Variants in TMEM63A observed in about 807,000 individuals in gnomAD.
TMEM63A encodes the protein transmembrane protein 63A, also known as mechanosensitive cation channel TMEM63A.
In TMEM63A, 76 loss-of-function variants were observed where a neutral mutation model predicts 100.6. That is an observed-to-expected ratio of 0.76 (90% CI 0.63 to 0.91). The LOEUF (loss-of-function observed/expected upper bound fraction) is 0.91, where lower values mean the gene tolerates loss of function less well. Ranked by LOEUF, TMEM63A falls within the 40% of genes least tolerant of loss-of-function variation. The pLI is 0.00. For missense variants in TMEM63A, 876 were observed against 1,008.8 expected (o/e 0.87, Z 1.78); for synonymous variants, 401 against 401.1 (o/e 1.00, Z 0.00).
rs764617340 is a variant in TMEM63A, at chr1:225,867,132, T to G, written c.546A>C (p.Thr182=). Residue 182 remains threonine (T), a synonymous_variant, in exon 8 of 25, where the codon ACA becomes ACC. Coordinates refer to ENST00000366835, the MANE Select transcript of TMEM63A (RefSeq NM_014698.3). This position sits in a 1 kb window ranked among gnomAD's most constrained non-coding sequence, Gnocchi z 4.6. ...CTCACTCAGTCTGTAGGTTTGCTATTGTTGTCCTCCCAAAACTATACGGGT... is the reference window on the plus strand; with the variant it reads ...CTCACTCAGTCTGTAGGTTTGCTATGGTTGTCCTCCCAAAACTATACGGGT... ...DKDPYSFGRT[T]IANLQTDNDL... 1.2e-6 allele frequency: 2 copies of G among 1,614,114 alleles called. No homozygotes were observed. Among genetic ancestry groups the G allele is most frequent in the African/African-American group, 2.7e-5 (2 of 75,020 alleles).
chr1:225,860,791 C>CATTAAAAAAAAA, intron 14 of TMEM63A, 69 bp downstream of exon 14: 1 of 1,511,750 alleles, frequency 6.6e-7, no homozygotes, highest in African/African-American at 1.4e-5. Flanking sequence ...CACCTGTGCT[C>CATTAAAAAAAAA]CAGGTGATGG....
intron 20 of TMEM63A, among the ~76,000 whole-genome samples, chr1:225,851,477 C>G (rs1030674952): frequency 6.6e-6 from 1 of 152,142 alleles, no homozygotes; most frequent in Non-Finnish European, 1.5e-5. Flanking sequence ...TCAAGTGATT[C>G]TCCTACCTCA....
At chr1:225,849,670 C>T (rs1158836606) in intron 21 of TMEM63A, among the ~76,000 whole-genome samples, 1 of 152,222 alleles carries the variant, frequency 6.6e-6, no homozygotes, top group African/African-American at 2.4e-5. Context: ...CCCTGGGTAT[C>T]ATGTTTTGAT....
In TMEM63A at chr1:225,852,755, C is replaced by G; in HGVS notation, c.1812G>C (p.Gln604His). ...ATGCATACATGGCTCCAAACTCGTA[C>G]TGGAAGGCCTGGTTCTGGGAGGAGG... ...RRNVKQNQAFQYEFGAMYAWM... is the reference protein window; with the variant it reads ...RRNVKQNQAFHYEFGAMYAWM... Residue 604 changes from glutamine to histidine, a missense_variant, in exon 20 of 25, where the codon CAG becomes CAC. Transcript: ENST00000366835. 1 of 1,614,048 alleles carries G rather than the reference C, an allele frequency of 6.2e-7. No individual in the cohort carries two copies.
In TMEM63A at chr1:225,845,546, A is replaced by G; in HGVS notation, c.*1393T>C. 1 of 611,822 alleles carries G rather than the reference A, an allele frequency of 1.6e-6. No individual in the cohort carries two copies. Among genetic ancestry groups the G allele is most frequent in the Non-Finnish European group, 2.9e-6 (1 of 349,150 alleles). The allele number at this position is 611,822 out of a possible 1,614,324, so 37.9% of individuals were successfully genotyped here. Reference sequence around the variant, plus strand: ...GGTAAGCAACATGGCTTTGATGATAAACGACTTTACTCTAAAAGCGGCTGG... The same window carrying G: ...GGTAAGCAACATGGCTTTGATGATAGACGACTTTACTCTAAAAGCGGCTGG... On this transcript the variant is annotated 3_prime_UTR_variant, in exon 25 of 25. Coordinates refer to ENST00000366835, the MANE Select transcript of TMEM63A (RefSeq NM_014698.3).
At chr1:225,842,282 G>A (rs985756558), downstream of TMEM63A, 15 of 1,042,120 alleles carry the variant, frequency 1.4e-5, no homozygotes, top group South Asian at 2.5e-5. Flanking sequence ...CGCCCTCTGC[G>A]GCCAGTGCCA....
In TMEM63A at chr1:225,847,067, A is replaced by ACTGCC; in HGVS notation, c.2392_2396dup (p.Ser799ArgfsTer33). Reference sequence around the variant, plus strand: ...AGGCCTCCTGGGGGGCAGCAGCCACACTGCCCGTGGCGCTCTGCGCCAAGC... The same window carrying ACTGCC: ...AGGCCTCCTGGGGGGCAGCAGCCACACTGCCCTGCCCGTGGCGCTCTGCGCCAAGC... On this transcript the variant is annotated frameshift_variant, in exon 24 of 25. Coordinates refer to ENST00000366835, the MANE Select transcript of TMEM63A (RefSeq NM_014698.3). LOFTEE classifies it high-confidence loss of function. 6.2e-7 allele frequency: 1 copy of ACTGCC among 1,612,806 alleles called. No homozygotes were observed. Among genetic ancestry groups the ACTGCC allele is most frequent in the Non-Finnish European group, 8.5e-7 (1 of 1,179,502 alleles).
chr1:225,862,591 G>T lies in TMEM63A; in HGVS notation c.828-13C>A. 6.2e-7 allele frequency: 1 copy of T among 1,611,344 alleles called. No individual in the cohort carries two copies. Among genetic ancestry groups the T allele is most frequent in the South Asian group, 1.1e-5 (1 of 90,938 alleles). On this transcript the variant is annotated splice_polypyrimidine_tract_variant and intron_variant, in intron 11 of 24. Transcript: ENST00000366835. The surrounding 1 kb of genome is among the most constrained non-coding windows in gnomAD (Gnocchi z 5.1). ...CTCAGTCTTCTTTCTGTAGGGGTGG[G>T]AGCGGGGGCACAAACCTCAGATTTA...
chr1:225,846,369 T>C lies in TMEM63A; in HGVS notation c.*570A>G, dbSNP rs1317126296. 1 of 152,458 alleles carries C rather than the reference T, an allele frequency of 6.6e-6. No individual in the cohort carries two copies. Among genetic ancestry groups the C allele is most frequent in the East Asian group, 1.9e-4 (1 of 5,208 alleles). 9.4% of individuals were successfully genotyped at this position (152,458 alleles called of 1,614,324 possible). A position where few individuals can be genotyped will look rare whatever the true frequency, so the allele number is the denominator to read the frequency against. On this transcript the variant is annotated 3_prime_UTR_variant, in exon 25 of 25. Coordinates refer to ENST00000366835, the MANE Select transcript of TMEM63A (RefSeq NM_014698.3). Reference sequence around the variant, plus strand: ...TGCTATGGGGTAACCCTGACCCAGCTAGCGTCCCTGACAACATGATACAAA... The same window carrying C: ...TGCTATGGGGTAACCCTGACCCAGCCAGCGTCCCTGACAACATGATACAAA...
downstream of TMEM63A, chr1:225,845,242 C>G: frequency 4.3e-6 from 7 of 1,614,094 alleles, no homozygotes; most frequent in Non-Finnish European, 5.9e-6. Context: ...CAAAGCTCAT[C>G]TCCTATTCCT....
At chr1:225,849,471 CCAGCCTCAAAGGGCAAATCTGGAT>C (rs1170546821) in intron 21 of TMEM63A, among the ~76,000 whole-genome samples, 2 of 152,218 alleles carry the variant, frequency 1.3e-5, no homozygotes, top group African/African-American at 4.8e-5. Flanking sequence ...GGCCCAACCA[CCAGCCTCAAAGGGCAAATCTGGAT>C]CAGCTTCCCC....
chr1:225,872,487 C>T (rs1221729875), intron 4 of TMEM63A, among the ~76,000 whole-genome samples: 1 of 152,100 alleles, frequency 6.6e-6, no homozygotes, highest in Non-Finnish European at 1.5e-5. Flanking sequence ...GCCAAATAAA[C>T]TATGACCACC....
At chr1:225,848,755 C>T (rs1401938997) in intron 22 of TMEM63A, 142 bp downstream of exon 22, 7 of 837,654 alleles carry the variant, frequency 8.4e-6, no homozygotes, top group South Asian at 3.3e-5. Flanking sequence ...CAACCACCCA[C>T]GCCTTTCCCA....
chr1:225,851,706 G>A (rs997191236), intron 20 of TMEM63A, among the ~76,000 whole-genome samples: 1 of 152,216 alleles, frequency 6.6e-6, no homozygotes, highest in Admixed American at 6.5e-5. Flanking sequence ...TGTTTTGAAA[G>A]TGTAAATACT....
Position 225,862,867 on chromosome 1 carries a change from G to C in TMEM63A, c.747-16C>G. 2 of 1,613,018 alleles carry C rather than the reference G, an allele frequency of 1.2e-6. No homozygotes were observed. Among genetic ancestry groups the C allele is most frequent in the Non-Finnish European group, 1.7e-6 (2 of 1,179,548 alleles). Reference sequence around the variant, plus strand: ...ATACGCGTCCCTGTGGCCAGGGAGAGAAGGAGGCAAAAGACACCGTTGGAA... The same window carrying C: ...ATACGCGTCCCTGTGGCCAGGGAGACAAGGAGGCAAAAGACACCGTTGGAA... On this transcript the variant is annotated splice_polypyrimidine_tract_variant and intron_variant, in intron 10 of 24. Coordinates refer to ENST00000366835, the MANE Select transcript of TMEM63A (RefSeq NM_014698.3). The surrounding 1 kb of genome is among the most constrained non-coding windows in gnomAD (Gnocchi z 5.1).
At chr1:225,859,887 T>A (rs570203378) in intron 14 of TMEM63A, 1 of 159,190 alleles carries the variant, frequency 6.3e-6, no homozygotes, top group African/African-American at 2.4e-5. Context: ...GCTCAGGCAA[T>A]CCGCCTGCCT....
chr1:225,871,147 C>T (rs967411051), intron 5 of TMEM63A, 34 bp from the exon 6 acceptor site: 2 of 1,609,976 alleles, frequency 1.2e-6, no homozygotes, highest in Admixed American at 1.7e-5. Context: ...TAGCTTCCAA[C>T]ATTTGTGTCT....
chr1:225,869,896 C>T (rs909659048), intron 6 of TMEM63A, among the ~76,000 whole-genome samples: 3 of 151,596 alleles, frequency 2.0e-5, no homozygotes, highest in East Asian at 2.0e-4. Context: ...CTCCTGACCT[C>T]GTGATCTGCC....
chr1:225,842,381 ACT>A, downstream of TMEM63A: 1 of 1,612,834 alleles, frequency 6.2e-7, no homozygotes, highest in Non-Finnish European at 8.5e-7. Context: ...GCTCTGAATG[ACT>A]CTCCTGTGGG....
Sources: allele counts gnomAD v4.1 joint callset (sites outside exome capture counted in the v4.1 genomes callset), GRCh38; gene constraint gnomAD v4.1.1; non-coding constraint Gnocchi (gnomAD v3.1); transcripts MANE v1.5; gene names NCBI Gene and HGNC (gene_info 2026-07-23, HGNC 2026-07-21).